PLCL1: variants seen among roughly 807,000 people sequenced by gnomAD.
The protein encoded by PLCL1 is inactive phospholipase C-like protein 1.
PLCL1 carries 41 observed loss-of-function variants against 84.4 expected under a neutral mutation model. The observed-to-expected ratio is 0.49, with a 90% CI of 0.38 to 0.63. The LOEUF (loss-of-function observed/expected upper bound fraction) is 0.63. PLCL1 is among the 30% of genes least tolerant of loss of function. PLCL1 has a pLI of 0.00. For missense variants in PLCL1, 1,206 were observed against 1,367.8 expected, an observed-to-expected ratio of 0.88 and a Z score of 1.87; for synonymous variants, 490 against 488.3, an observed-to-expected ratio of 1.00 and a Z score of -0.05.
intron 5 of PLCL1, among the ~76,000 whole-genome samples, chr2:198,105,579 C>T (rs1266344904): frequency 1.4e-5 from 2 of 144,702 alleles, no homozygotes; most frequent in East Asian, 2.1e-4. Flanking sequence ...GGGTACAGCC[C>T]ATGTGTGAGA....
chr2:197,992,956 A>G (rs1399459053), intron 1 of PLCL1, among the ~76,000 whole-genome samples: 1 of 152,204 alleles, frequency 6.6e-6, no homozygotes, highest in Non-Finnish European at 1.5e-5. Context: ...GTTACTAATA[A>G]TGCTTCTGTG....
chr2:198,005,046 A>T (rs77799794), intron 1 of PLCL1, among the ~76,000 whole-genome samples: 2 of 152,308 alleles, frequency 1.3e-5, no homozygotes, highest in Admixed American at 6.5e-5. Flanking sequence ...AAGATAGCTT[A>T]GTGAAAATAA....
chr2:197,865,783 T>TA (rs1253333798), intron 1 of PLCL1, among the ~76,000 whole-genome samples: 3 of 151,324 alleles, frequency 2.0e-5, no homozygotes, highest in Non-Finnish European at 4.4e-5. Context: ...GAGGCCAAGG[T>TA]AGGTAGATCA....
chr2:197,818,418 T>C (rs1690736486), intron 1 of PLCL1, among the ~76,000 whole-genome samples: 1 of 152,052 alleles, frequency 6.6e-6, no homozygotes, highest in Admixed American at 6.6e-5. Context: ...ACTTGGAGGT[T>C]GGGGCGGGGG....
chr2:197,925,341 T>C (rs1688812280), intron 1 of PLCL1, among the ~76,000 whole-genome samples: 1 of 152,112 alleles, frequency 6.6e-6, no homozygotes, highest in Non-Finnish European at 1.5e-5. Flanking sequence ...GAATTTTGAG[T>C]GGGGTGTTTC....
chr2:198,105,875 A>T (rs954653410), intron 5 of PLCL1, among the ~76,000 whole-genome samples: 1 of 151,974 alleles, frequency 6.6e-6, no homozygotes, highest in Non-Finnish European at 1.5e-5. Context: ...TCTGCTGCAC[A>T]TGAATTTTAG....
chr2:198,017,549 C>T, intron 1 of PLCL1, among the ~76,000 whole-genome samples: 1 of 152,190 alleles, frequency 6.6e-6, no homozygotes, highest in East Asian at 1.9e-4. Flanking sequence ...TTAATGTAAC[C>T]CTAAGAGTTC....
intron 5 of PLCL1, among the ~76,000 whole-genome samples, chr2:198,138,418 C>T (rs1412702210): frequency 6.6e-6 from 1 of 152,132 alleles, no homozygotes; most frequent in Non-Finnish European, 1.5e-5. Flanking sequence ...ATTCACCTCC[C>T]ACCAAATCCC....
intron 1 of PLCL1, among the ~76,000 whole-genome samples, chr2:197,897,096 C>CT (rs1460002091): frequency 2.7e-5 from 4 of 147,376 alleles, no homozygotes; most frequent in African/African-American, 1.0e-4. Flanking sequence ...AGAAGTATGA[C>CT]TCCTTCTTCT....
At chr2:198,056,208 T>A (rs528552536) in intron 1 of PLCL1, among the ~76,000 whole-genome samples, 1 of 152,328 alleles carries the variant, frequency 6.6e-6, no homozygotes, top group Non-Finnish European at 1.5e-5. Flanking sequence ...TACCTGCTAA[T>A]TAAAAACAAA....
chr2:197,820,539 G>T (rs768768160), intron 1 of PLCL1, among the ~76,000 whole-genome samples: 9 of 152,076 alleles, frequency 5.9e-5, no homozygotes, highest in Non-Finnish European at 8.8e-5. Context: ...ACAAGACCAG[G>T]TTATGGAATA....
intron 1 of PLCL1, among the ~76,000 whole-genome samples, chr2:197,922,658 C>T (rs1288488446): frequency 2.2e-5 from 3 of 137,854 alleles, no homozygotes; most frequent in Non-Finnish European, 3.2e-5. Flanking sequence ...CCCCCACCCC[C>T]CCACCTCCCT....
chr2:197,875,897 T>A (rs933134511), intron 1 of PLCL1, among the ~76,000 whole-genome samples: 2 of 152,176 alleles, frequency 1.3e-5, no homozygotes, highest in Non-Finnish European at 2.9e-5. Context: ...ATAAGGAAAG[T>A]AGACACAGGG....
chr2:197,899,711 C>G (rs1345593595), intron 1 of PLCL1, among the ~76,000 whole-genome samples: 1 of 148,998 alleles, frequency 6.7e-6, no homozygotes, highest in East Asian at 2.0e-4. Flanking sequence ...TCTCGGCTCA[C>G]TGCAAGCTCC....
chr2:197,838,959 G>A (rs1354446177), intron 1 of PLCL1, among the ~76,000 whole-genome samples: 1 of 152,154 alleles, frequency 6.6e-6, no homozygotes, highest in African/African-American at 2.4e-5. Flanking sequence ...TTTTTACACT[G>A]TTTTGGTGCA....
chr2:197,852,724 C>T (rs188581665), intron 1 of PLCL1, among the ~76,000 whole-genome samples: 5 of 152,074 alleles, frequency 3.3e-5, no homozygotes, highest in Admixed American at 2.0e-4. Flanking sequence ...TTCTTTAAAC[C>T]TCTCCTATTT....
intron 1 of PLCL1, among the ~76,000 whole-genome samples, chr2:197,905,623 T>G (rs888851681): frequency 6.6e-6 from 1 of 152,234 alleles, no homozygotes; most frequent in Non-Finnish European, 1.5e-5. Context: ...GTAATGGGAT[T>G]GCTGGGTCAA....
chr2:197,969,202 G>A (rs1689808856), intron 1 of PLCL1, among the ~76,000 whole-genome samples: 1 of 152,158 alleles, frequency 6.6e-6, no homozygotes, highest in Non-Finnish European at 1.5e-5. Context: ...CATGAAACTA[G>A]TTCCTGGTAC....
intron 1 of PLCL1, among the ~76,000 whole-genome samples, chr2:197,861,515 C>G (rs563395832): frequency 1.6e-4 from 25 of 152,238 alleles, no homozygotes; most frequent in African/African-American, 6.0e-4. Context: ...ATTAATCAAA[C>G]TTGAGTAGGG....
Sources: allele counts gnomAD v4.1 joint callset (sites outside exome capture counted in the v4.1 genomes callset), GRCh38; gene constraint gnomAD v4.1.1; transcripts MANE v1.5; gene names NCBI Gene and HGNC (gene_info 2026-07-23, HGNC 2026-07-21).